Variants in SLC4A10 observed in about 807,000 individuals in gnomAD.
SLC4A10 encodes solute carrier family 4 member 10.
Under a neutral mutation model 137.7 loss-of-function variants are expected in SLC4A10, and 42 were observed. That is an observed-to-expected ratio of 0.30 (90% CI 0.24 to 0.39). SLC4A10 has a LOEUF of 0.39. Among genes scored for constraint, SLC4A10 ranks in the 10% least tolerant of loss-of-function variants. SLC4A10 has a pLI of 1.00. For missense variants in SLC4A10, 925 were observed against 1,355.0 expected, an observed-to-expected ratio of 0.68 and a Z score of 4.98; for synonymous variants, 474 against 464.1, an observed-to-expected ratio of 1.02 and a Z score of -0.27.
At chr2:161,650,576 G>A (rs954596342) in intron 1 of SLC4A10, among the ~76,000 whole-genome samples, 3 of 152,140 alleles carry the variant, frequency 2.0e-5, no homozygotes, top group Non-Finnish European at 4.4e-5. Flanking sequence ...CGGCACTCTC[G>A]GGGGGCCTGG....
At chr2:161,873,285 G>T (rs777263153) in intron 7 of SLC4A10, among the ~76,000 whole-genome samples, 1 of 152,102 alleles carries the variant, frequency 6.6e-6, no homozygotes, top group Non-Finnish European at 1.5e-5. Flanking sequence ...AAATGAGTCA[G>T]TGACAATGAT....
chr2:161,971,715 G>C (rs980868166), intron 23 of SLC4A10, among the ~76,000 whole-genome samples: 1 of 152,128 alleles, frequency 6.6e-6, no homozygotes, highest in Non-Finnish European at 1.5e-5. Context: ...GGATGCAGCC[G>C]GCCCTCCATC....
rs551071101 is a variant in SLC4A10, at chr2:161,769,518, A to G, written c.49-1455A>G. Among the ~76,000 whole-genome samples the G allele has an allele frequency of 3.3e-5, 5 of 152,054 alleles. No individual in the cohort carries two copies. In the East Asian group the frequency reaches 9.7e-4, roughly 29 times the overall value. On this transcript the variant is annotated intron_variant, in intron 1 of 26. Coordinates refer to ENST00000446997, the MANE Select transcript of SLC4A10 (RefSeq NM_001178015.2). Reference sequence around the variant, plus strand: ...CTATATCCTCTTTCCTCATTTCTTCATGATAGATCACCTCATTAGTTTTGC... The same window carrying G: ...CTATATCCTCTTTCCTCATTTCTTCGTGATAGATCACCTCATTAGTTTTGC...
chr2:161,940,455 T>G (rs1019489121), intron 15 of SLC4A10, among the ~76,000 whole-genome samples: 6 of 152,160 alleles, frequency 3.9e-5, no homozygotes, highest in Non-Finnish European at 8.8e-5. Flanking sequence ...CAATTATTAA[T>G]GAGACTCTGA....
rs763919305 is a variant in SLC4A10, at chr2:161,873,930, AC to A, written c.874del (p.Gln292LysfsTer10). On this transcript the variant is annotated frameshift_variant, in exon 8 of 27. Coordinates refer to ENST00000446997, the MANE Select transcript of SLC4A10 (RefSeq NM_001178015.2). LOFTEE classifies it high-confidence loss of function. ...VDFSKGLGGQ[Q>X]KGHTSPCGMK... ...TATGCGTGCAGGGACTGGGAGGCCA[AC>A]AAAAGGGGCATACTAGTCCATGTGG... 1.4e-5 allele frequency: 23 copies of A among 1,594,214 alleles called. No individual in the cohort carries two copies. In the Admixed American group the frequency reaches 3.7e-4, roughly 26 times the overall value.
At chr2:161,821,662 T>C (rs1175041185) in intron 3 of SLC4A10, among the ~76,000 whole-genome samples, 1 of 152,206 alleles carries the variant, frequency 6.6e-6, no homozygotes, top group African/African-American at 2.4e-5. Context: ...TTTTTTCTGA[T>C]TTTGATAGTA....
At chr2:161,794,166 A>G (rs546384306) in intron 2 of SLC4A10, among the ~76,000 whole-genome samples, 59 of 152,226 alleles carry the variant, frequency 3.9e-4, no homozygotes, top group African/African-American at 1.3e-3. Context: ...ATTTATCGCC[A>G]ACTCTAGTGG....
intron 11 of SLC4A10, among the ~76,000 whole-genome samples, chr2:161,895,910 T>C (rs1375194562): frequency 6.6e-6 from 1 of 151,892 alleles, no homozygotes; most frequent in Non-Finnish European, 1.5e-5. Context: ...AGAAGCTCTT[T>C]AGTTTAATTA....
intron 6 of SLC4A10, among the ~76,000 whole-genome samples, chr2:161,866,206 T>A (rs2060736801): frequency 6.6e-6 from 1 of 152,034 alleles, no homozygotes; most frequent in Admixed American, 6.5e-5. Context: ...TGTTACCTTG[T>A]TAGTACTCTC....
intron 1 of SLC4A10, among the ~76,000 whole-genome samples, chr2:161,696,473 A>T (rs2042520727): frequency 1.3e-5 from 1 of 75,126 alleles, no homozygotes; most frequent in African/African-American, 5.6e-5. Flanking sequence ...ACCCCACAAC[A>T]GTCCCCAGAG....
At chr2:161,918,820 G>C (rs1408334527) in intron 15 of SLC4A10, among the ~76,000 whole-genome samples, 1 of 152,178 alleles carries the variant, frequency 6.6e-6, no homozygotes, top group East Asian at 1.9e-4. Flanking sequence ...GGGAGCTGCA[G>C]TAGGGGAGCT....
At chr2:161,953,507 C>A (rs1389661128) in intron 19 of SLC4A10, among the ~76,000 whole-genome samples, 1 of 151,930 alleles carries the variant, frequency 6.6e-6, no homozygotes, top group Non-Finnish European at 1.5e-5. Context: ...ACTCAGGAGG[C>A]TGAGGCAGGA....
rs368857888 is a variant in SLC4A10, at chr2:161,918,789, C to G, written c.1997+12902C>G. ...GCAGTAGGGAGGCGCCTACTTGCTG[C>G]AAAGATGCCAGCTGCAGTAGGGGAG... On this transcript the variant is annotated intron_variant, in intron 15 of 26. Coordinates refer to ENST00000446997, the MANE Select transcript of SLC4A10 (RefSeq NM_001178015.2). Among the ~76,000 whole-genome samples, 6 of 152,188 alleles carry G rather than the reference C, an allele frequency of 3.9e-5. No individual in the cohort carries two copies. The East Asian group carries it at 7.8e-4, about 20-fold the overall frequency.
chr2:161,650,636 C>T (rs565727686), intron 1 of SLC4A10, among the ~76,000 whole-genome samples: 69 of 152,224 alleles, frequency 4.5e-4, no homozygotes, highest in Non-Finnish European at 7.6e-4. Flanking sequence ...CTGTTCCTCC[C>T]GGCTGTTGAC....
At chr2:161,952,781 C>A (rs967389697) in intron 19 of SLC4A10, among the ~76,000 whole-genome samples, 1 of 152,152 alleles carries the variant, frequency 6.6e-6, no homozygotes, top group Admixed American at 6.5e-5. Flanking sequence ...GCCTATAACT[C>A]TTGTCTCCTA....
In SLC4A10 at chr2:161,896,248, G is replaced by T. The variant is rs548529989; in HGVS notation, c.1341+1423G>T. Among the ~76,000 whole-genome samples, 320 of 151,550 alleles carry T rather than the reference G, an allele frequency of 2.1e-3. 3 individuals carry two copies. The highest frequency in any genetic ancestry group is 0.02 in the Middle Eastern group (6 of 294). On this transcript the variant is annotated intron_variant, in intron 11 of 26. Transcript: ENST00000446997. The stretch of plus-strand genomic sequence containing the variant: ...TAGATATGCAGCGTTATTTCTGAGG[G>T]CTCTGTTCTGTTCCATTGATCTATA...
At chr2:161,652,617 G>T (rs2036956114) in intron 1 of SLC4A10, among the ~76,000 whole-genome samples, 1 of 151,996 alleles carries the variant, frequency 6.6e-6, no homozygotes, top group African/African-American at 2.4e-5. Flanking sequence ...TTAGCATGAG[G>T]TCTACCCTCA....
chr2:161,879,281 C>A lies in SLC4A10; in HGVS notation c.1099C>A (p.Pro367Thr). 1 of 1,608,322 alleles carries A rather than the reference C, an allele frequency of 6.2e-7. No homozygotes were observed. Among genetic ancestry groups the A allele is most frequent in the Middle Eastern group, 1.7e-4 (1 of 6,040 alleles). Residue 367 changes from proline to threonine, a missense_variant, in exon 9 of 27, where the codon CCA becomes ACA. Transcript: ENST00000446997. ...LLQGLAEVPIPTRFLFILLGP... is the reference protein window; with the variant it reads ...LLQGLAEVPITTRFLFILLGP... The stretch of plus-strand genomic sequence containing the variant: ...TCAAGGACTGGCTGAAGTCCCAATC[C>A]CAACCAGGTAAAAAGTATAAAAGCG...
Position 161,884,975 on chromosome 2 carries a change from C to T in SLC4A10, c.1194+2531C>T, listed in dbSNP as rs186999753. Among the ~76,000 whole-genome samples the T allele has an allele frequency of 8.9e-3, 1,352 of 152,112 alleles. 14 individuals are homozygous for T. Among genetic ancestry groups the T allele is most frequent in the South Asian group, 0.034 (164 of 4,814 alleles). ...GATGGATCACCTGAAGTCAGGAGTTCGAGATCAGCCTGGCCAACATGGTGA... is the reference window on the plus strand; with the variant it reads ...GATGGATCACCTGAAGTCAGGAGTTTGAGATCAGCCTGGCCAACATGGTGA... On this transcript the variant is annotated intron_variant, in intron 10 of 26. Coordinates refer to ENST00000446997, the MANE Select transcript of SLC4A10 (RefSeq NM_001178015.2).
Sources: gnomAD v4.1 joint callset for allele counts (sites outside exome capture counted in the v4.1 genomes callset) on GRCh38, gnomAD v4.1.1 for gene constraint, MANE v1.5 for transcripts, NCBI Gene and HGNC (gene_info 2026-07-23, HGNC 2026-07-21) for gene names.